The following MYL4 variants were observed in gnomAD, a reference collection of about 807,000 sequenced individuals.
MYL4 encodes the protein atrial myosin light chain 1.
MYL4 carries 16 observed loss-of-function variants against 21.6 expected under a neutral mutation model. The observed-to-expected ratio is 0.74, with a 90% confidence interval of 0.50 to 1.12. The LOEUF is 1.12. Ranked by LOEUF, MYL4 falls within the 50% of genes most tolerant of loss-of-function variation. MYL4 has a pLI of 0.00. For missense variants in MYL4, 249 were observed against 252.9 expected, an observed-to-expected ratio of 0.98 and a Z score of 0.11; for synonymous variants, 82 against 95.7, an observed-to-expected ratio of 0.86 and a Z score of 0.83.
At chr17:47,212,515 A>T (rs1487026639) in intron 1 of MYL4, among the ~76,000 whole-genome samples, 1 of 152,244 alleles carries the variant, frequency 6.6e-6, no homozygotes, top group African/African-American at 2.4e-5. Flanking sequence ...TTGCTGTCCC[A>T]GAGTGCCTAA....
Position 47,221,814 on chromosome 17 carries a change from C to T in MYL4, c.446C>T (p.Thr149Met), listed in dbSNP as rs200236286. ...LRVFDKESNG[T>M]VMGAELRHVL... ...GTCTTTGACAAGGAGAGCAATGGCA[C>T]GGTCATGGGTGCTGAGCTTCGGCAC... The change falls in exon 4 of 7, where the codon ACG becomes ATG. Residue 149 changes from threonine to methionine, a missense_variant. Thr to Met is a moderately conservative substitution (Grantham distance 81). Coordinates refer to ENST00000393450, the MANE Select transcript of MYL4 (RefSeq NM_002476.2). The T allele has an allele frequency of 6.8e-5, 109 of 1,614,016 alleles. 1 individual carries two copies. In the African/African-American group the frequency reaches 7.9e-4, roughly 12 times the overall value.
chr17:47,189,564 G>C, the MYL4 span: 1 of 328,602 alleles, frequency 3.0e-6, no homozygotes, highest in South Asian at 3.2e-5. Context: ...GCAACCAGCA[G>C]GCTGGGCGTG....
chr17:47,192,464 A>G, the MYL4 span, among the ~76,000 whole-genome samples: 3 of 151,740 alleles, frequency 2.0e-5, no homozygotes, highest in East Asian at 5.8e-4. Flanking sequence ...CCTGGCTAAC[A>G]CAGTGAAACC....
intron 2 of MYL4, 114 bp from the exon 3 acceptor site, chr17:47,219,790 G>C: frequency 7.7e-7 from 1 of 1,295,162 alleles, no homozygotes; most frequent in Non-Finnish European, 1.1e-6. Context: ...GCGAAATATT[G>C]GGATATTTTA....
chr17:47,221,721 C>G lies in MYL4; in HGVS notation c.353C>G (p.Pro118Arg), dbSNP rs537576399. The change falls in exon 4 of 7, where the codon CCC (proline) becomes CGC (arginine). Residue 118 changes from proline to arginine, a missense_variant. By Grantham distance (103) the Pro-to-Arg change is moderately radical (BLOSUM62 -2). Transcript: ENST00000393450. ...VKMLDFETFL[P>R]ILQHISRNKE... Reference sequence around the variant, plus strand: ...ATGCTGGACTTTGAGACGTTCTTGCCCATCCTGCAGCACATTTCCCGCAAC... The same window carrying G: ...ATGCTGGACTTTGAGACGTTCTTGCGCATCCTGCAGCACATTTCCCGCAAC... 140 of 1,614,030 alleles carry G rather than the reference C, an allele frequency of 8.7e-5. 3 individuals are homozygous for G. In the South Asian group the frequency reaches 1.4e-3, roughly 16 times the overall value.
At chr17:47,214,652 A>C (rs1251783151) in intron 2 of MYL4, among the ~76,000 whole-genome samples, 1 of 152,238 alleles carries the variant, frequency 6.6e-6, no homozygotes, top group Non-Finnish European at 1.5e-5. Flanking sequence ...ATAAAAAATA[A>C]AAATCCTTTT....
intron 1 of MYL4, among the ~76,000 whole-genome samples, chr17:47,201,703 G>A (rs557094550): frequency 2.6e-5 from 4 of 152,116 alleles, no homozygotes; most frequent in East Asian, 1.9e-4. Flanking sequence ...TGATCCGCCC[G>A]CCTCGGCCTC....
intron 1 of MYL4, among the ~76,000 whole-genome samples, chr17:47,202,793 C>T (rs1376065610): frequency 6.6e-6 from 1 of 152,124 alleles, no homozygotes; most frequent in Non-Finnish European, 1.5e-5. Context: ...AGCCAATTTA[C>T]ATAATACTGT....
At chr17:47,204,401 G>A (rs1231075122), upstream of MYL4, among the ~76,000 whole-genome samples, 1 of 152,112 alleles carries the variant, frequency 6.6e-6, no homozygotes, top group African/African-American at 2.4e-5. Context: ...TTGGGATAGG[G>A]AGCCATGGTC....
upstream of MYL4, among the ~76,000 whole-genome samples, chr17:47,205,656 C>T (rs1468008133): frequency 1.3e-5 from 2 of 152,174 alleles, no homozygotes; most frequent in Admixed American, 6.5e-5. Context: ...AAAACGAATC[C>T]GAAACTGATT....
At chr17:47,198,265 T>C (rs1210245062), upstream of MYL4, among the ~76,000 whole-genome samples, 1 of 152,184 alleles carries the variant, frequency 6.6e-6, no homozygotes, top group Non-Finnish European at 1.5e-5. Context: ...ATCCAATTCC[T>C]TGACCTGAAG....
chr17:47,201,967 T>C (rs1482208259), intron 1 of MYL4, among the ~76,000 whole-genome samples: 7 of 152,170 alleles, frequency 4.6e-5, no homozygotes, highest in Non-Finnish European at 7.3e-5. Context: ...ATGTAATCAA[T>C]ATGAGATATG....
chr17:47,213,909 T>C (rs773528239), intron 2 of MYL4, 83 bp downstream of exon 2: 2 of 1,461,894 alleles, frequency 1.4e-6, no homozygotes, highest in East Asian at 2.3e-5. Flanking sequence ...GGAGGAGTAG[T>C]TGTCCTCATG....
At chr17:47,213,916 C>G (rs1215334746) in intron 2 of MYL4, 90 bp downstream of exon 2, 1 of 1,418,812 alleles carries the variant, frequency 7.0e-7, no homozygotes, top group Non-Finnish European at 1.0e-6. Flanking sequence ...TAGTTGTCCT[C>G]ATGGTAATAG....
the MYL4 span, among the ~76,000 whole-genome samples, chr17:47,191,284 C>T: frequency 5.3e-5 from 8 of 152,116 alleles, no homozygotes; most frequent in Non-Finnish European, 7.3e-5. Flanking sequence ...AAACAATCTA[C>T]CACGCTAGAT....
chr17:47,225,401 C>T (rs912146667), downstream of MYL4, among the ~76,000 whole-genome samples: 4 of 152,152 alleles, frequency 2.6e-5, no homozygotes, highest in South Asian at 4.1e-4. Context: ...AGACCCATAG[C>T]CTTTTGTTCG....
upstream of MYL4, among the ~76,000 whole-genome samples, chr17:47,206,115 T>C (rs73327183): frequency 0.016 from 2,462 of 152,278 alleles, 56 homozygotes; most frequent in African/African-American, 0.056. Flanking sequence ...GAAATGTTTA[T>C]CCTCAAAGGT....
upstream of MYL4, among the ~76,000 whole-genome samples, chr17:47,198,040 T>C (rs1487987376): frequency 1.3e-5 from 2 of 152,124 alleles, no homozygotes; most frequent in African/African-American, 2.4e-5. Flanking sequence ...AGTGACCTCA[T>C]GAGACCAGAA....
downstream of MYL4, among the ~76,000 whole-genome samples, chr17:47,224,715 G>A (rs948587021): frequency 3.9e-5 from 6 of 152,238 alleles, no homozygotes; most frequent in East Asian, 1.9e-4. Flanking sequence ...GGTCAACCAC[G>A]GTTTGGTTTG....
Sources: allele counts gnomAD v4.1 joint callset (sites outside exome capture counted in the v4.1 genomes callset), GRCh38; gene constraint gnomAD v4.1.1; transcripts MANE v1.5; gene names NCBI Gene and HGNC (gene_info 2026-07-23, HGNC 2026-07-21).